Variants in DAB1 observed in about 807,000 individuals in gnomAD.
DAB1 encodes the protein disabled homolog 1.
A neutral mutation model predicts 64.6 loss-of-function variants in DAB1; 15 were observed. The ratio of observed to expected loss-of-function variants is 0.23; its 90% CI spans 0.16 to 0.36. The LOEUF is 0.36. DAB1 is among the 10% of genes least tolerant of loss of function. The probability of loss-of-function intolerance (pLI) is 1.00; values close to 1 mark genes in which losing one functional copy is unlikely to be tolerated. For missense variants in DAB1, 596 were observed against 706.7 expected (o/e 0.84, Z 1.78); for synonymous variants, 235 against 251.9 (o/e 0.93, Z 0.64).
At chr1:57,293,860 C>A (rs1238683766) in intron 1 of DAB1, among the ~76,000 whole-genome samples, 1 of 152,222 alleles carries the variant, frequency 6.6e-6, no homozygotes, top group Admixed American at 6.5e-5. Context: ...CTCCTTATTT[C>A]TATCTTCAAA....
chr1:57,397,796 G>A (rs1419762897), intron 1 of DAB1, among the ~76,000 whole-genome samples: 2 of 152,202 alleles, frequency 1.3e-5, no homozygotes, highest in African/African-American at 2.4e-5. Flanking sequence ...CATAAGAACG[G>A]CCAGATATTC....
At chr1:57,376,236 T>C (rs1176369526) in intron 1 of DAB1, among the ~76,000 whole-genome samples, 1 of 152,214 alleles carries the variant, frequency 6.6e-6, no homozygotes, top group African/African-American at 2.4e-5. Context: ...TTAAACCCTT[T>C]CCACTCCCAG....
intron 4 of DAB1, among the ~76,000 whole-genome samples, chr1:58,200,270 C>G (rs1657924341): frequency 1.3e-5 from 2 of 152,066 alleles, no homozygotes; most frequent in African/African-American, 4.8e-5. Flanking sequence ...CCAATCAGCT[C>G]CCTACATGAA....
At position 58,352,229 on chromosome 1, in the gene DAB1, C is replaced by T. The variant is rs550754642; in HGVS notation, n.258-8826G>A. ...TTTTCTCTTATGCCTAGATGCCTCC[C>T]CTGCCTCCTCTAAATTAACCTGTGC... On this transcript the variant is annotated intron_variant and non_coding_transcript_variant, in intron 3 of 20. Coordinates refer to the DAB1 transcript ENST00000485760. 3.3e-5 allele frequency among the ~76,000 whole-genome samples: 5 copies of T among 152,188 alleles called. No homozygotes were observed. The South Asian group carries it at 1.0e-3, about 32-fold the overall frequency.
At chr1:58,199,879 C>T (rs1019696629) in intron 4 of DAB1, among the ~76,000 whole-genome samples, 1 of 152,162 alleles carries the variant, frequency 6.6e-6, no homozygotes, top group African/African-American at 2.4e-5. Context: ...CAGTCATGCA[C>T]GGACCCAAGT....
At chr1:57,627,939 G>T (rs1645942976) in intron 7 of DAB1, among the ~76,000 whole-genome samples, 1 of 152,148 alleles carries the variant, frequency 6.6e-6, no homozygotes, top group Non-Finnish European at 1.5e-5. Flanking sequence ...GGCTACTTTG[G>T]CAGAAGATGC....
In DAB1 at chr1:57,149,342, C is replaced by T. The variant is rs140606480; in HGVS notation, c.68-3913G>A. On this transcript the variant is annotated intron_variant, in intron 2 of 14. Transcript: ENST00000371236. ...ATATTCAATTCTCTTAAAATTATTCCGAAGAAAGGAATTGTCGCATCATAT... is the reference window on the plus strand; with the variant it reads ...ATATTCAATTCTCTTAAAATTATTCTGAAGAAAGGAATTGTCGCATCATAT... Among the ~76,000 whole-genome samples the T allele has an allele frequency of 1.8e-4, 28 of 152,116 alleles. No individual in the cohort carries two copies. The East Asian group carries it at 3.5e-3, about 19-fold the overall frequency.
chr1:58,151,626 G>A (rs1399774993), intron 4 of DAB1, among the ~76,000 whole-genome samples: 1 of 152,154 alleles, frequency 6.6e-6, no homozygotes, highest in African/African-American at 2.4e-5. Flanking sequence ...TGGCTGCCCT[G>A]TGTCTGCATA....
At chr1:57,860,363 G>A (rs964139338) in intron 1 of DAB1, among the ~76,000 whole-genome samples, 1 of 152,128 alleles carries the variant, frequency 6.6e-6, no homozygotes, top group Non-Finnish European at 1.5e-5. Context: ...TCAAGATCAC[G>A]GTAGTCACTG....
At chr1:57,955,931 G>A (rs1645382005) in intron 5 of DAB1, among the ~76,000 whole-genome samples, 1 of 152,066 alleles carries the variant, frequency 6.6e-6, no homozygotes, top group South Asian at 2.1e-4. Context: ...AGGTTTGGTG[G>A]GTAGTAAAAT....
At chr1:57,543,466 G>A (rs1282100399) in intron 7 of DAB1, among the ~76,000 whole-genome samples, 1 of 152,104 alleles carries the variant, frequency 6.6e-6, no homozygotes, top group Non-Finnish European at 1.5e-5. Context: ...GCAGCAAGTG[G>A]TTACCCTTGT....
chr1:57,240,994 A>C, intron 2 of DAB1, among the ~76,000 whole-genome samples: 1 of 152,206 alleles, frequency 6.6e-6, no homozygotes, highest in East Asian at 1.9e-4. Context: ...ACTAACAGAC[A>C]ATAGTTACAT....
At chr1:57,029,230 A>C (rs1646889758) in intron 9 of DAB1, among the ~76,000 whole-genome samples, 1 of 152,228 alleles carries the variant, frequency 6.6e-6, no homozygotes, top group Admixed American at 6.5e-5. Context: ...AGAAGCCCCA[A>C]GTCTTGGCAA....
chr1:58,427,045 G>A (rs146664951), intron 3 of DAB1, among the ~76,000 whole-genome samples: 136 of 152,286 alleles, frequency 8.9e-4, no homozygotes, highest in African/African-American at 3.1e-3. Flanking sequence ...TTGAGCACGT[G>A]CCAGGAGCGG....
intron 6 of DAB1, among the ~76,000 whole-genome samples, chr1:57,662,487 C>T (rs983415756): frequency 1.1e-4 from 16 of 152,342 alleles, no homozygotes; most frequent in South Asian, 2.1e-4. Flanking sequence ...TGAGCCACCA[C>T]GCCTGGCCTG....
At chr1:57,600,231 T>C (rs979411478) in intron 7 of DAB1, among the ~76,000 whole-genome samples, 12 of 152,174 alleles carry the variant, frequency 7.9e-5, no homozygotes, top group Non-Finnish European at 1.6e-4. Context: ...TGGGGTCTTG[T>C]TCACCATCAT....
chr1:57,966,666 C>T (rs1468433047), intron 5 of DAB1, among the ~76,000 whole-genome samples: 1 of 152,114 alleles, frequency 6.6e-6, no homozygotes, highest in Non-Finnish European at 1.5e-5. Flanking sequence ...TGAACAGAGG[C>T]CTTAACTCGA....
At chr1:57,547,364 T>C (rs149411806) in intron 7 of DAB1, among the ~76,000 whole-genome samples, 45 of 152,360 alleles carry the variant, frequency 3.0e-4, no homozygotes, top group Middle Eastern at 6.8e-3. Flanking sequence ...TTCTTTTAAT[T>C]TGAATCTCTT....
At chr1:58,474,594 ATGAATACC>A (rs1437679919) in intron 3 of DAB1, among the ~76,000 whole-genome samples, 1 of 152,096 alleles carries the variant, frequency 6.6e-6, no homozygotes, top group Non-Finnish European at 1.5e-5. Context: ...GGCCTTTTTC[ATGAATACC>A]TTTTAGTTAG....
Sources: allele counts gnomAD v4.1 joint callset (sites outside exome capture counted in the v4.1 genomes callset), GRCh38; gene constraint gnomAD v4.1.1; transcripts MANE v1.5; gene names NCBI Gene and HGNC (gene_info 2026-07-23, HGNC 2026-07-21).